Variants in NIN observed in about 807,000 individuals in gnomAD.
The protein encoded by NIN is glycogen synthase kinase 3 beta-interacting protein.
In NIN, 137 loss-of-function variants were observed where a neutral mutation model predicts 257.6. The ratio of observed to expected loss-of-function variants is 0.53; its 90% CI spans 0.46 to 0.61. The LOEUF (loss-of-function observed/expected upper bound fraction) is 0.61, where lower values mean the gene tolerates loss of function less well. Among genes scored for constraint, NIN ranks in the 20% least tolerant of loss-of-function variants. The pLI is 0.00. For synonymous variants in NIN, 918 were observed against 919.8 expected (o/e 1.00, Z 0.04); for missense variants, 2,439 against 2,501.2 (o/e 0.98, Z 0.53).
At chr14:50,807,791 T>C (rs980864702) in intron 3 of NIN, among the ~76,000 whole-genome samples, 1 of 152,220 alleles carries the variant, frequency 6.6e-6, no homozygotes, top group Admixed American at 6.5e-5. Flanking sequence ...AATCATATCA[T>C]GTCTTATCTA....
intron 15 of NIN, among the ~76,000 whole-genome samples, chr14:50,762,188 G>A (rs1053893059): frequency 2.0e-5 from 3 of 152,172 alleles, no homozygotes; most frequent in East Asian, 1.9e-4. Context: ...GTGGTGGGGC[G>A]GCGGGGGTGG....
rs534890159 is a variant in NIN at position 50,810,027 on chromosome 14, C to G, written c.184-3209G>C. On this transcript the variant is annotated intron_variant, in intron 3 of 30. Coordinates refer to ENST00000530997, the MANE Select transcript of NIN (RefSeq NM_020921.4). ...CGGGTGGATCACGAGGTCAGGAGAT[C>G]GAGACCATCCTGGCTAACACGGTGA... Among the ~76,000 whole-genome samples, 6 of 151,802 alleles carry G rather than the reference C, an allele frequency of 4.0e-5. No individual in the cohort carries two copies. The East Asian group carries it at 1.2e-3, about 29-fold the overall frequency.
intron 30 of NIN, chr14:50,723,928 G>T (rs1042410575): frequency 5.2e-6 from 2 of 381,916 alleles, no homozygotes; most frequent in East Asian, 4.6e-5. Flanking sequence ...ATATTAGATG[G>T]CACCAAAAGT....
chr14:50,786,363 A>T (rs1016577631), intron 5 of NIN, among the ~76,000 whole-genome samples: 1 of 151,924 alleles, frequency 6.6e-6, no homozygotes, highest in East Asian at 1.9e-4. Flanking sequence ...GTTAGAAGAT[A>T]AATATTAGAA....
rs1381309319 is a variant in NIN, at chr14:50,735,613, C to T, written c.5780G>A (p.Ser1927Asn). The T allele has an allele frequency of 6.2e-7, 1 of 1,609,068 alleles. No homozygotes were observed. Among genetic ancestry groups the T allele is most frequent in the East Asian group, 2.2e-5 (1 of 44,834 alleles). ...TTCTTGTTCAAGGGAATTCATCTGA[C>T]TGACCTGTTTAAAAAAAACAAAATA... The part of the protein sequence containing the change: ...KEQSPANRKV[S>N]QMNSLEQELE... The change falls in exon 28 of 31, where the codon AGT (serine) becomes AAT (asparagine). Residue 1927 changes from serine to asparagine, a missense_variant. Physicochemically the swap from Ser to Asn is conservative, Grantham distance 46. Transcript: ENST00000530997.
intron 7 of NIN, among the ~76,000 whole-genome samples, 154 bp downstream of exon 7, chr14:50,776,795 C>G (rs2042941051): frequency 6.6e-6 from 1 of 152,196 alleles, no homozygotes; most frequent in Non-Finnish European, 1.5e-5. Context: ...ACAACAAGAG[C>G]TCCTCAGTGA....
At position 50,722,072 on chromosome 14, in the gene NIN, G is replaced by A. The variant is rs1229003001; in HGVS notation, c.*1391C>T. 4.4e-6 allele frequency: 1 copy of A among 228,820 alleles called. No homozygotes were observed. The highest frequency in any genetic ancestry group is 5.7e-5 in the Admixed American group (1 of 17,626). The allele number at this position is 228,820 out of a possible 1,614,324, so 14.2% of individuals were successfully genotyped here. On this transcript the variant is annotated 3_prime_UTR_variant, in exon 31 of 31. Coordinates refer to ENST00000530997, the MANE Select transcript of NIN (RefSeq NM_020921.4). ...GATTATTGTCTCATGAAAACAAGCA[G>A]GTTGTTGTGATGAACTTGGAAAGTG...
At chr14:50,746,908 C>T (rs979043046) in intron 22 of NIN, among the ~76,000 whole-genome samples, 14 of 152,056 alleles carry the variant, frequency 9.2e-5, no homozygotes, top group Non-Finnish European at 2.9e-5. Flanking sequence ...GGCTGGAGTG[C>T]AGGGGCACAG....
chr14:50,790,774 C>G (rs968935200), intron 5 of NIN, among the ~76,000 whole-genome samples: 6 of 152,180 alleles, frequency 3.9e-5, no homozygotes, highest in African/African-American at 1.2e-4. Flanking sequence ...TTTACTGAGA[C>G]ATAAGCCACA....
chr14:50,766,817 T>G lies in NIN; in HGVS notation c.1508A>C (p.Lys503Thr), dbSNP rs772421604. The change falls in exon 13 of 31, where the codon AAA becomes ACA. Residue 503 changes from lysine (K) to threonine (T), a missense_variant. This residue lies in a region of NIN where 2,043 missense variants were observed against 2,050.2 expected (regional missense o/e 1.00). Coordinates refer to ENST00000530997, the MANE Select transcript of NIN (RefSeq NM_020921.4). ...KLAEYENLTN[K>T]LQRNLENVLA... Reference sequence around the variant, plus strand: ...CACATTTTCCAAATTTCTCTGAAGTTTGTTTGTCAGATTCTCATATTCTGC... The same window carrying G: ...CACATTTTCCAAATTTCTCTGAAGTGTGTTTGTCAGATTCTCATATTCTGC... 5.0e-6 allele frequency: 8 copies of G among 1,614,022 alleles called. No individual in the cohort carries two copies. In the South Asian group the frequency reaches 8.8e-5, roughly 18 times the overall value.
At chr14:50,747,903 G>T in intron 22 of NIN, 89 bp downstream of exon 22, 1 of 874,514 alleles carries the variant, frequency 1.1e-6, no homozygotes, top group Non-Finnish European at 1.9e-6. Flanking sequence ...TGGTACAAAG[G>T]ACAACTGGTG....
rs192818253 is a variant in NIN at position 50,770,570 on chromosome 14, G to A, written c.1260-8C>T. 58 of 1,610,538 alleles carry A rather than the reference G, an allele frequency of 3.6e-5. No homozygotes were observed. The East Asian group carries it at 4.7e-4, about 13-fold the overall frequency. On this transcript the variant is annotated splice_region_variant and splice_polypyrimidine_tract_variant and intron_variant, in intron 11 of 30. Coordinates refer to ENST00000530997, the MANE Select transcript of NIN (RefSeq NM_020921.4). Reference sequence around the variant, plus strand: ...TACTCTTCATCCAGTTTCCTGTAACGAAGAAAAATGGACAAGCTGCCATCA... The same window carrying A: ...TACTCTTCATCCAGTTTCCTGTAACAAAGAAAAATGGACAAGCTGCCATCA...
chr14:50,754,388 G>T (rs1257665197), intron 20 of NIN, among the ~76,000 whole-genome samples, 175 bp downstream of exon 20: 1 of 152,026 alleles, frequency 6.6e-6, no homozygotes, highest in Non-Finnish European at 1.5e-5. Flanking sequence ...ACATAAAACA[G>T]GAAGCTAGTT....
chr14:50,733,066 T>A (rs1189079313), intron 28 of NIN, among the ~76,000 whole-genome samples: 3 of 150,238 alleles, frequency 2.0e-5, no homozygotes, highest in South Asian at 2.1e-4. Flanking sequence ...TCAAAAAAAA[T>A]ATCCAATTTG....
chr14:50,750,834 TAAACTC>T (rs1041593428), intron 21 of NIN, among the ~76,000 whole-genome samples: 2 of 152,218 alleles, frequency 1.3e-5, no homozygotes, highest in African/African-American at 4.8e-5. Context: ...TACGAAAAGA[TAAACTC>T]AGAGAAGTGT....
At chr14:50,732,670 G>A (rs2140385729) in intron 28 of NIN, among the ~76,000 whole-genome samples, 1 of 152,240 alleles carries the variant, frequency 6.6e-6, no homozygotes, top group South Asian at 2.1e-4. Context: ...CCTGAAATAT[G>A]CGAACTACAT....
rs2040290780 is a variant in NIN, at chr14:50,722,488, C to T, written c.*975G>A. The T allele has an allele frequency of 4.8e-6, 1 of 210,316 alleles. No homozygotes were observed. Among genetic ancestry groups the T allele is most frequent in the Non-Finnish European group, 9.7e-6 (1 of 103,414 alleles). 13.0% of individuals were successfully genotyped at this position (210,316 alleles called of 1,614,324 possible). A position where few individuals can be genotyped will look rare whatever the true frequency, so the allele number is the denominator to read the frequency against. ...AATATATAAGACAAATAAATGAGGT[C>T]ACATGGTTTATACATTTCAAATTCT... On this transcript the variant is annotated 3_prime_UTR_variant, in exon 31 of 31. Coordinates refer to ENST00000530997, the MANE Select transcript of NIN (RefSeq NM_020921.4).
rs1361051502 is a variant in NIN, at chr14:50,744,476, A to C, written c.5065-111T>G. The C allele has an allele frequency of 1.0e-5, 12 of 1,151,136 alleles. No individual in the cohort carries two copies. In the East Asian group the frequency reaches 1.7e-4, roughly 16 times the overall value. 71.3% of individuals were successfully genotyped at this position (1,151,136 alleles called of 1,614,324 possible). A position where few individuals can be genotyped will look rare whatever the true frequency, so the allele number is the denominator to read the frequency against. On this transcript the variant is annotated intron_variant, in intron 22 of 30. Coordinates refer to ENST00000530997, the MANE Select transcript of NIN (RefSeq NM_020921.4). ...GCTGCTGCTATTTGCCTATCTGTGG[A>C]TATTTCAGAGGACATAAACTCTAGC... is the stretch of plus-strand genomic sequence containing the variant.
chr14:50,738,406 C>G, intron 26 of NIN, 120 bp from the exon 27 acceptor site: 2 of 836,558 alleles, frequency 2.4e-6, no homozygotes, highest in Non-Finnish European at 1.9e-6. Context: ...CTTTTTCAAT[C>G]AAGCCTGTAA....
Sources: allele counts gnomAD v4.1 joint callset (sites outside exome capture counted in the v4.1 genomes callset), GRCh38; gene constraint gnomAD v4.1.1; regional missense constraint gnomAD v4.1.1; transcripts MANE v1.5; gene names NCBI Gene and HGNC (gene_info 2026-07-23, HGNC 2026-07-21).